XPO6: variants seen among roughly 807,000 people sequenced by gnomAD.
XPO6 encodes exportin-6.
Under a neutral mutation model 130.0 loss-of-function variants are expected in XPO6, and 3 were observed. That is an observed-to-expected ratio of 0.02 (90% CI 0.01 to 0.06). XPO6 has a LOEUF of 0.06. Among genes scored for constraint, XPO6 ranks in the 10% least tolerant of loss-of-function variants. XPO6 has a pLI of 1.00. For missense variants in XPO6, 970 were observed against 1,393.0 expected, an observed-to-expected ratio of 0.70 and a Z score of 4.83; for synonymous variants, 524 against 548.9, an observed-to-expected ratio of 0.95 and a Z score of 0.63.
Position 28,175,912 on chromosome 16 carries a change from T to C in XPO6, c.391A>G (p.Thr131Ala), listed in dbSNP as rs746079866. 1.9e-6 allele frequency: 3 copies of C among 1,614,108 alleles called. No individual in the cohort carries two copies. Among genetic ancestry groups the C allele is most frequent in the South Asian group, 1.1e-5 (1 of 91,086 alleles). ...DWPMFYHDFF[T>A]NILQLIQSPV... ...CATATCCTTACCTGTAAAATGTTAG[T>C]AAAAAAGTCGTGGTAGAACATGGGC... Residue 131 changes from threonine to alanine, a missense_variant, in exon 4 of 24, where the codon ACT (threonine) becomes GCT (alanine). Transcript: ENST00000304658.
At chr16:28,186,136 T>G (rs1047154552) in intron 1 of XPO6, among the ~76,000 whole-genome samples, 3 of 152,060 alleles carry the variant, frequency 2.0e-5, no homozygotes, top group Non-Finnish European at 4.4e-5. Flanking sequence ...TCGCCTTTGC[T>G]TCTTCCCCAT....
intron 1 of XPO6, among the ~76,000 whole-genome samples, chr16:28,198,847 AAAAT>A (rs753893569): frequency 3.0e-4 from 46 of 152,116 alleles, no homozygotes; most frequent in Non-Finnish European, 5.1e-4. Context: ...TTACATATTT[AAAAT>A]AAATAAATCT....
In XPO6 at chr16:28,147,716, CG is replaced by C. The variant is rs1397403654; in HGVS notation, c.1225-1514del. 2.6e-5 allele frequency among the ~76,000 whole-genome samples: 4 copies of C among 152,188 alleles called. No individual in the cohort carries two copies. The East Asian group carries it at 7.7e-4, about 29-fold the overall frequency. On this transcript the variant is annotated intron_variant, in intron 8 of 23. Coordinates refer to ENST00000304658, the MANE Select transcript of XPO6 (RefSeq NM_015171.4). ...ATCCCAACACTTTGGGAGGCCCAGG[CG>C]GGTGGATCTCTTGAGGTCAGGAGTT...
At chr16:28,102,046 G>T in intron 21 of XPO6, 101 bp from the exon 22 acceptor site, 1 of 934,806 alleles carries the variant, frequency 1.1e-6, no homozygotes, top group Non-Finnish European at 1.6e-6. Flanking sequence ...GGTACCCATT[G>T]TCTTGATGCT....
intron 1 of XPO6, among the ~76,000 whole-genome samples, chr16:28,186,010 G>C (rs967706458): frequency 6.6e-6 from 1 of 152,158 alleles, no homozygotes; most frequent in African/African-American, 2.4e-5. Context: ...TGGGTCAGCA[G>C]TTCAGAGATC....
chr16:28,128,083 T>A (rs914094378), intron 12 of XPO6, among the ~76,000 whole-genome samples: 1 of 152,136 alleles, frequency 6.6e-6, no homozygotes, highest in Non-Finnish European at 1.5e-5. Context: ...GAACACAGAC[T>A]TCATGGGCTA....
intron 13 of XPO6, among the ~76,000 whole-genome samples, chr16:28,122,766 C>A (rs1405793845): frequency 6.6e-6 from 1 of 151,976 alleles, no homozygotes; most frequent in Non-Finnish European, 1.5e-5. Flanking sequence ...GGAAATGTTT[C>A]AGATGGGTTG....
intron 1 of XPO6, among the ~76,000 whole-genome samples, chr16:28,205,552 C>G (rs2044014817): frequency 6.6e-6 from 1 of 152,156 alleles, no homozygotes; most frequent in Non-Finnish European, 1.5e-5. Context: ...CTACTATCAC[C>G]TGTATCACAG....
intron 12 of XPO6, chr16:28,126,784 T>G (rs1308535177): frequency 6.6e-6 from 1 of 152,068 alleles, no homozygotes; most frequent in Non-Finnish European, 1.5e-5. Flanking sequence ...GACCTGCAGG[T>G]CTGATTCAAG....
intron 21 of XPO6, 79 bp from the exon 22 acceptor site, chr16:28,102,024 T>C (rs370464615): frequency 8.1e-7 from 1 of 1,231,556 alleles, no homozygotes; most frequent in Admixed American, 2.0e-5. Flanking sequence ...GAAGAACAAG[T>C]GCCAGGGCCA....
Position 28,101,054 on chromosome 16 carries a change from G to GGC in XPO6, c.3276+403_3276+404insGC. The GGC allele has an allele frequency of 3.3e-6, 1 of 300,310 alleles. No individual in the cohort carries two copies. The highest frequency in any genetic ancestry group is 6.5e-6 in the Non-Finnish European group (1 of 153,136). The allele number at this position is 300,310 out of a possible 1,614,324, so 18.6% of individuals were successfully genotyped here. ...TCCCACCTCTAACCCTGGGGACCCAGAAGTGCAGCTCCCAAGCACCAACCA... is the reference window on the plus strand; with the variant it reads ...TCCCACCTCTAACCCTGGGGACCCAGGCAAGTGCAGCTCCCAAGCACCAACCA... On this transcript the variant is annotated intron_variant, in intron 23 of 23. Transcript: ENST00000304658. This position sits in a 1 kb window ranked among gnomAD's most constrained non-coding sequence, Gnocchi z 5.4.
chr16:28,112,390 C>G (rs2086948106), intron 16 of XPO6, among the ~76,000 whole-genome samples: 1 of 152,194 alleles, frequency 6.6e-6, no homozygotes, highest in African/African-American at 2.4e-5. Flanking sequence ...ACAATCCATG[C>G]CCCTAGCACC....
chr16:28,100,144 C>T (rs2086625269), intron 23 of XPO6, among the ~76,000 whole-genome samples: 1 of 152,158 alleles, frequency 6.6e-6, no homozygotes, highest in Non-Finnish European at 1.5e-5. Context: ...TGTGCCACCA[C>T]ACCTGACTAA....
intron 1 of XPO6, among the ~76,000 whole-genome samples, chr16:28,193,410 T>C (rs950689521): frequency 1.3e-5 from 2 of 152,176 alleles, no homozygotes; most frequent in African/African-American, 4.8e-5. Flanking sequence ...AGATCATTAC[T>C]AGCCACAAAG....
intron 10 of XPO6, 122 bp from the exon 11 acceptor site, chr16:28,134,055 G>A: frequency 1.6e-5 from 15 of 922,806 alleles, no homozygotes; most frequent in East Asian, 2.7e-5. Context: ...CAGGTTATCT[G>A]GTACTATAAA....
chr16:28,209,493 A>C (rs1393539675), intron 1 of XPO6, among the ~76,000 whole-genome samples: 1 of 152,030 alleles, frequency 6.6e-6, no homozygotes, highest in African/African-American at 2.4e-5. Context: ...TACAAAATTT[A>C]GCCGGGCATG....
At chr16:28,109,953 T>C (rs1596789882) in intron 17 of XPO6, among the ~76,000 whole-genome samples, 3 of 152,332 alleles carry the variant, frequency 2.0e-5, no homozygotes, top group Non-Finnish European at 2.9e-5. Flanking sequence ...GAAAAAAGCA[T>C]AAATGTGGCA....
At chr16:28,124,962 A>G (rs1245247030) in intron 13 of XPO6, among the ~76,000 whole-genome samples, 1 of 152,184 alleles carries the variant, frequency 6.6e-6, no homozygotes, top group East Asian at 1.9e-4. Flanking sequence ...TAACCAATTC[A>G]ACAGCTGCCT....
chr16:28,130,914 G>A (rs991719681), intron 12 of XPO6, among the ~76,000 whole-genome samples: 1 of 152,134 alleles, frequency 6.6e-6, no homozygotes, highest in African/African-American at 2.4e-5. Context: ...GGGTCAGTGT[G>A]GGGGAGGAAA....
Sources: allele counts gnomAD v4.1 joint callset (sites outside exome capture counted in the v4.1 genomes callset), GRCh38; gene constraint gnomAD v4.1.1; non-coding constraint Gnocchi (gnomAD v3.1); transcripts MANE v1.5; gene names NCBI Gene and HGNC (gene_info 2026-07-23, HGNC 2026-07-21).